The following EDIL3 variants were observed in gnomAD, a reference collection of about 807,000 sequenced individuals.
EDIL3 encodes EGF-like repeat and discoidin I-like domain-containing protein 3.
Under a neutral mutation model 67.4 loss-of-function variants are expected in EDIL3, and 37 were observed. The observed-to-expected ratio is 0.55, with a 90% CI of 0.42 to 0.72. The LOEUF (loss-of-function observed/expected upper bound fraction) is 0.72, where lower values mean the gene tolerates loss of function less well. EDIL3 is among the 30% of genes least tolerant of loss of function. EDIL3 has a pLI of 0.00. For missense variants in EDIL3, 527 were observed against 586.3 expected, an observed-to-expected ratio of 0.90 and a Z score of 1.04; for synonymous variants, 195 against 196.3, an observed-to-expected ratio of 0.99 and a Z score of 0.05.
intron 6 of EDIL3, among the ~76,000 whole-genome samples, chr5:84,103,165 T>C (rs1468915334): frequency 1.3e-5 from 2 of 152,070 alleles, no homozygotes; most frequent in African/African-American, 2.4e-5. Context: ...TGGTTAGCCA[T>C]AGGCAGAAGA....
chr5:84,005,942 G>A (rs896448496), intron 9 of EDIL3, among the ~76,000 whole-genome samples: 4 of 151,808 alleles, frequency 2.6e-5, no homozygotes, highest in African/African-American at 9.7e-5. Flanking sequence ...CTGCTTACTA[G>A]CTCCTAGATG....
chr5:84,114,142 C>T lies in EDIL3; in HGVS notation c.470-7312G>A, dbSNP rs1288935755. On this transcript the variant is annotated intron_variant, in intron 5 of 10. Coordinates refer to ENST00000296591, the MANE Select transcript of EDIL3 (RefSeq NM_005711.5). The stretch of plus-strand genomic sequence containing the variant: ...CTGTGGCCTGAGGGTTTAAAGGAAC[C>T]CTAAAGTTTTTTTTTTTTTTTTTTT... Among the ~76,000 whole-genome samples the T allele has an allele frequency of 4.0e-5, 6 of 149,142 alleles. No homozygotes were observed. The Admixed American group carries it at 4.0e-4, about 10-fold the overall frequency.
chr5:84,225,527 A>G (rs1015238062), intron 3 of EDIL3, among the ~76,000 whole-genome samples: 1 of 151,638 alleles, frequency 6.6e-6, no homozygotes, highest in Non-Finnish European at 1.5e-5. Flanking sequence ...AAGGCAAATC[A>G]ATTGTATTCC....
At chr5:84,278,861 A>G (rs557276994) in intron 1 of EDIL3, among the ~76,000 whole-genome samples, 205 of 152,054 alleles carry the variant, frequency 1.3e-3, no homozygotes, top group Non-Finnish European at 9.9e-4. Context: ...GATTGTCCCT[A>G]CTCATGTTTC....
chr5:84,228,750 T>C (rs1744500951), intron 3 of EDIL3, among the ~76,000 whole-genome samples: 1 of 152,136 alleles, frequency 6.6e-6, no homozygotes, highest in Non-Finnish European at 1.5e-5. Context: ...ATCTTTTGAA[T>C]TTACTCCTAC....
intron 1 of EDIL3, among the ~76,000 whole-genome samples, chr5:84,339,445 C>T (rs1747053841): frequency 6.6e-6 from 1 of 152,080 alleles, no homozygotes; most frequent in Non-Finnish European, 1.5e-5. Context: ...ACCCATCATC[C>T]TGTATTTTTT....
intron 9 of EDIL3, among the ~76,000 whole-genome samples, chr5:83,979,657 G>A (rs928399597): frequency 1.3e-5 from 2 of 151,920 alleles, no homozygotes; most frequent in African/African-American, 4.8e-5. Context: ...GAATATGAAC[G>A]TTTATATTTT....
chr5:83,973,009 T>G (rs930953016), intron 9 of EDIL3, among the ~76,000 whole-genome samples: 2 of 152,030 alleles, frequency 1.3e-5, no homozygotes, highest in African/African-American at 4.8e-5. Context: ...TCAGAGAGAT[T>G]AAAGCATATT....
chr5:84,079,189 C>T (rs1211511733), intron 6 of EDIL3, among the ~76,000 whole-genome samples: 1 of 152,056 alleles, frequency 6.6e-6, no homozygotes, highest in Non-Finnish European at 1.5e-5. Flanking sequence ...TCCCATATCT[C>T]ACCCTATGCT....
At chr5:84,357,217 G>A (rs1268758397) in intron 1 of EDIL3, among the ~76,000 whole-genome samples, 5 of 151,804 alleles carry the variant, frequency 3.3e-5, no homozygotes, top group African/African-American at 7.3e-5. Flanking sequence ...GAGCCACCAC[G>A]CCTGGCAGAG....
At chr5:84,255,002 A>G (rs1745100673) in intron 1 of EDIL3, among the ~76,000 whole-genome samples, 1 of 152,174 alleles carries the variant, frequency 6.6e-6, no homozygotes, top group Non-Finnish European at 1.5e-5. Context: ...GAGGTAGAAC[A>G]TGTATGCGAT....
At chr5:84,177,958 C>T (rs1748950228) in intron 4 of EDIL3, among the ~76,000 whole-genome samples, 1 of 152,072 alleles carries the variant, frequency 6.6e-6, no homozygotes, top group Non-Finnish European at 1.5e-5. Context: ...TCATATAGGA[C>T]AAAATTTAAA....
chr5:83,984,711 G>A (rs567846747), intron 9 of EDIL3, among the ~76,000 whole-genome samples: 5 of 152,060 alleles, frequency 3.3e-5, no homozygotes, highest in Non-Finnish European at 7.4e-5. Flanking sequence ...TCATTATGTT[G>A]AATTCTATCT....
intron 1 of EDIL3, among the ~76,000 whole-genome samples, chr5:84,287,110 G>A (rs1236237392): frequency 6.6e-6 from 1 of 152,148 alleles, no homozygotes; most frequent in African/African-American, 2.4e-5. Flanking sequence ...CTCTGGGTTG[G>A]TGATTATTTA....
At chr5:84,257,495 G>T (rs1303853690) in intron 1 of EDIL3, among the ~76,000 whole-genome samples, 1 of 152,110 alleles carries the variant, frequency 6.6e-6, no homozygotes, top group Non-Finnish European at 1.5e-5. Context: ...ACAGGTAATA[G>T]ATTTGAGAAA....
At chr5:84,045,120 A>G (rs1217984105) in intron 9 of EDIL3, among the ~76,000 whole-genome samples, 19 of 152,176 alleles carry the variant, frequency 1.2e-4, no homozygotes. Flanking sequence ...GAAAACCCTT[A>G]TAAAACCATC....
At chr5:84,327,952 C>A (rs565899758) in intron 1 of EDIL3, among the ~76,000 whole-genome samples, 1 of 152,088 alleles carries the variant, frequency 6.6e-6, no homozygotes, top group South Asian at 2.1e-4. Context: ...GGAAGTCTTA[C>A]CAGCATACAG....
intron 9 of EDIL3, among the ~76,000 whole-genome samples, chr5:84,056,439 G>A (rs539908597): frequency 4.9e-4 from 75 of 152,076 alleles, no homozygotes; most frequent in African/African-American, 1.8e-3. Flanking sequence ...CCTTCACATT[G>A]TGCACATGTA....
intron 1 of EDIL3, among the ~76,000 whole-genome samples, chr5:84,291,981 C>A (rs1245327580): frequency 6.6e-6 from 1 of 151,452 alleles, no homozygotes; most frequent in Non-Finnish European, 1.5e-5. Context: ...TACCCAGATA[C>A]ATTAAAAAAG....
Sources: allele counts gnomAD v4.1 joint callset (sites outside exome capture counted in the v4.1 genomes callset), GRCh38; gene constraint gnomAD v4.1.1; transcripts MANE v1.5; gene names NCBI Gene and HGNC (gene_info 2026-07-23, HGNC 2026-07-21).